The following PCDH15 variants were observed in gnomAD, a reference collection of about 807,000 sequenced individuals.
The protein encoded by PCDH15 is protocadherin related 15, also known as protocadherin-15.
In PCDH15, 129 loss-of-function variants were observed where a neutral mutation model predicts 178.5. The observed-to-expected ratio is 0.72, with a 90% CI of 0.63 to 0.84. The LOEUF (loss-of-function observed/expected upper bound fraction) is 0.84. Among genes scored for constraint, PCDH15 ranks in the 40% least tolerant of loss-of-function variants. The pLI is 0.00. For synonymous variants in PCDH15, 800 were observed against 732.0 expected (o/e 1.09, Z -1.50); for missense variants, 2,230 against 2,099.9 (o/e 1.06, Z -1.21).
chr10:54,142,055 G>C (rs2043459215), intron 14 of PCDH15, among the ~76,000 whole-genome samples: 1 of 152,022 alleles, frequency 6.6e-6, no homozygotes, highest in Non-Finnish European at 1.5e-5. Flanking sequence ...GCTTTCAAAA[G>C]TTTGTCAAAG....
chr10:54,727,126 A>G (rs1391970118), intron 1 of PCDH15, among the ~76,000 whole-genome samples: 1 of 151,416 alleles, frequency 6.6e-6, no homozygotes, highest in Non-Finnish European at 1.5e-5. Context: ...TTTCTCCAAC[A>G]AAAAACAGCA....
intron 2 of PCDH15, among the ~76,000 whole-genome samples, chr10:54,608,854 C>T (rs2092861644): frequency 6.6e-6 from 1 of 151,698 alleles, no homozygotes; most frequent in Admixed American, 6.6e-5. Flanking sequence ...AAAAATCAGT[C>T]CCTAGCTAGA....
chr10:55,194,684 C>T (rs1463888018), intron 1 of PCDH15, among the ~76,000 whole-genome samples: 1 of 151,900 alleles, frequency 6.6e-6, no homozygotes, highest in Non-Finnish European at 1.5e-5. Flanking sequence ...TATAACTAGA[C>T]ATATACCCAG....
At chr10:55,143,445 T>G (rs995833360) in intron 2 of PCDH15, among the ~76,000 whole-genome samples, 1 of 152,162 alleles carries the variant, frequency 6.6e-6, no homozygotes, top group African/African-American at 2.4e-5. Flanking sequence ...CTGGACTTTT[T>G]TCTTGACACA....
chr10:54,020,532 G>T, intron 19 of PCDH15, 116 bp from the exon 20 acceptor site: 1 of 1,030,468 alleles, frequency 9.7e-7, no homozygotes, highest in Non-Finnish European at 1.5e-6. Flanking sequence ...AGGACAAAAA[G>T]ACACGTTTTT....
intron 18 of PCDH15, among the ~76,000 whole-genome samples, chr10:54,039,061 G>C (rs2135496175): frequency 6.6e-6 from 1 of 151,846 alleles, no homozygotes; most frequent in Non-Finnish European, 1.5e-5. Context: ...ATGAACTTTA[G>C]GTTTTTTCTT....
chr10:55,109,873 A>G (rs1473053583), intron 2 of PCDH15, among the ~76,000 whole-genome samples: 4 of 152,024 alleles, frequency 2.6e-5, no homozygotes, highest in Admixed American at 2.0e-4. Context: ...ACAAAATTAC[A>G]TAATGTAAAG....
chr10:54,535,549 A>AAC (rs1257780907), intron 2 of PCDH15, among the ~76,000 whole-genome samples: 3 of 151,804 alleles, frequency 2.0e-5, no homozygotes, highest in African/African-American at 7.3e-5. Flanking sequence ...TCTCTACTAA[A>AAC]AATACAAAAA....
intron 2 of PCDH15, among the ~76,000 whole-genome samples, chr10:55,525,813 T>C (rs574395381): frequency 1.1e-4 from 16 of 151,890 alleles, no homozygotes; most frequent in South Asian, 2.1e-4. Context: ...AATTTTACTA[T>C]TCATCACTGC....
intron 2 of PCDH15, among the ~76,000 whole-genome samples, chr10:55,505,160 A>T (rs1840734659): frequency 6.6e-6 from 1 of 151,408 alleles, no homozygotes; most frequent in African/African-American, 2.4e-5. Context: ...ACTTATACAA[A>T]AATCTATACT....
chr10:54,755,745 A>AC (rs1483694759), intron 1 of PCDH15, among the ~76,000 whole-genome samples: 2 of 152,144 alleles, frequency 1.3e-5, no homozygotes, highest in African/African-American at 4.8e-5. Context: ...TACATAATCT[A>AC]CTGTATAAGA....
chr10:54,183,739 T>C, intron 12 of PCDH15, 146 bp from the exon 13 acceptor site: 1 of 855,764 alleles, frequency 1.2e-6, no homozygotes, highest in South Asian at 1.4e-5. Context: ...AAGGACGTAA[T>C]AGAGACGTAA....
At chr10:54,697,515 G>GTGTATA (rs1555156234) in intron 1 of PCDH15, among the ~76,000 whole-genome samples, 4 of 143,112 alleles carry the variant, frequency 2.8e-5, no homozygotes, top group African/African-American at 1.1e-4. Context: ...TGAAATGTGT[G>GTGTATA]TATATATATA....
At chr10:54,949,248 G>C (rs1378381843) in intron 2 of PCDH15, among the ~76,000 whole-genome samples, 1 of 151,852 alleles carries the variant, frequency 6.6e-6, no homozygotes, top group Non-Finnish European at 1.5e-5. Context: ...ACTGGAGAGG[G>C]CTCAGGAAAC....
At chr10:54,859,430 C>A (rs1233342880) in intron 3 of PCDH15, among the ~76,000 whole-genome samples, 2 of 151,986 alleles carry the variant, frequency 1.3e-5, no homozygotes, top group African/African-American at 4.8e-5. Flanking sequence ...CGTTTTCTTT[C>A]TGAAAACTCT....
At chr10:54,550,451 T>C (rs2086432031) in intron 2 of PCDH15, among the ~76,000 whole-genome samples, 1 of 151,570 alleles carries the variant, frequency 6.6e-6, no homozygotes, top group African/African-American at 2.4e-5. Context: ...AGCCAGTGAG[T>C]TCTCTTATTT....
chr10:54,897,310 C>T (rs951148958), intron 3 of PCDH15: 5 of 152,194 alleles, frequency 3.3e-5, no homozygotes, highest in Admixed American at 3.3e-4. Flanking sequence ...GTAATTGCAA[C>T]ATATCGATGA....
intron 3 of PCDH15, among the ~76,000 whole-genome samples, chr10:54,516,717 A>G (rs1008961053): frequency 6.6e-6 from 1 of 151,476 alleles, no homozygotes; most frequent in African/African-American, 2.4e-5. Flanking sequence ...GAACGCCACA[A>G]AGATACTCCT....
chr10:55,199,234 T>A (rs1459623905), intron 1 of PCDH15, among the ~76,000 whole-genome samples: 1 of 152,062 alleles, frequency 6.6e-6, no homozygotes. Context: ...GCTAAGGTGG[T>A]CTCAGATGGA....
Sources: gnomAD v4.1 joint callset for allele counts (sites outside exome capture counted in the v4.1 genomes callset) on GRCh38, gnomAD v4.1.1 for gene constraint, MANE v1.5 for transcripts, NCBI Gene and HGNC (gene_info 2026-07-23, HGNC 2026-07-21) for gene names.